ZNF454: variants seen among roughly 807,000 people sequenced by gnomAD.
ZNF454 encodes zinc finger protein 454.
Under a neutral mutation model 48.2 loss-of-function variants are expected in ZNF454, and 30 were observed. The observed-to-expected ratio is 0.62, with a 90% CI of 0.47 to 0.84. The LOEUF (loss-of-function observed/expected upper bound fraction) is 0.84, where lower values mean the gene tolerates loss of function less well. Ranked by LOEUF, ZNF454 falls within the 40% of genes least tolerant of loss-of-function variation. The pLI is 0.00. For missense variants in ZNF454, 510 were observed against 623.1 expected, an observed-to-expected ratio of 0.82 and a Z score of 1.93; for synonymous variants, 204 against 211.4, an observed-to-expected ratio of 0.97 and a Z score of 0.30.
the ZNF454 span, chr5:178,983,646 T>A: frequency 2.9e-6 from 1 of 343,750 alleles, no homozygotes; most frequent in Non-Finnish European, 5.8e-6. Context: ...TCACGTGTAC[T>A]GAGCTTCAAA....
the ZNF454 span, chr5:178,989,339 A>T: frequency 1.5e-5 from 24 of 1,613,962 alleles, no homozygotes; most frequent in Non-Finnish European, 1.9e-5. Flanking sequence ...CTCTTCCCAG[A>T]ACTCGGCGAA....
chr5:178,985,739 G>T, the ZNF454 span: 1 of 421,452 alleles, frequency 2.4e-6, no homozygotes, highest in Non-Finnish European at 4.6e-6. Flanking sequence ...AACCAAAATA[G>T]AAAAGAGTGA....
rs202137968 is a variant in ZNF454 at position 178,964,694 on chromosome 5, A to G, written c.290A>G (p.Lys97Arg). Residue 97 changes from lysine (K) to arginine (R), a missense_variant, in exon 5 of 5, where the codon AAG (lysine) becomes AGG (arginine). This residue lies in a region of ZNF454 where 354 missense variants were observed against 408.9 expected (regional missense o/e 0.87). Transcript: ENST00000519564. ...TMPASKKSTVKAEIPEEELDQ... is the reference protein window; with the variant it reads ...TMPASKKSTVRAEIPEEELDQ... ...CCTGCCAGTAAGAAATCTACTGTCA[A>G]GGCAGAGATTCCTGAAGAAGAATTG... The G allele has an allele frequency of 1.9e-6, 3 of 1,614,202 alleles. No individual in the cohort carries two copies. The African/African-American group carries it at 4.0e-5, about 22-fold the overall frequency.
intron 2 of ZNF454, among the ~76,000 whole-genome samples, chr5:178,943,811 G>C (rs1439186259): frequency 1.3e-5 from 2 of 152,282 alleles, no homozygotes; most frequent in East Asian, 3.9e-4. Flanking sequence ...GGATCACGAG[G>C]TCAGGAGATC....
the ZNF454 span, chr5:178,983,049 G>A: frequency 6.2e-7 from 1 of 1,614,082 alleles, no homozygotes; most frequent in Non-Finnish European, 8.5e-7. Context: ...GGCGTACACT[G>A]TGCACGTGAC....
rs1561690700 is a variant in ZNF454 at position 178,941,261 on chromosome 5, G to C, written c.-291G>C. 2.5e-6 allele frequency: 1 copy of C among 396,330 alleles called. No individual in the cohort carries two copies. The highest frequency in any genetic ancestry group is 5.1e-6 in the Non-Finnish European group (1 of 196,572). The allele number at this position is 396,330 out of a possible 1,614,324, so 24.6% of individuals were successfully genotyped here. On this transcript the variant is annotated 5_prime_UTR_variant, in exon 1 of 5. Coordinates refer to ENST00000519564, the MANE Select transcript of ZNF454 (RefSeq NM_001178089.3). The surrounding 1 kb of genome is among the most constrained non-coding windows in gnomAD (Gnocchi z 5.5). The stretch of plus-strand genomic sequence containing the variant: ...TGCGATGTGGCGCTTGCGATCTCTC[G>C]CCGCCGGCAGAGGCTCCTCGAAGAG...
At chr5:178,977,376 GT>G in the ZNF454 span, 1 of 455,320 alleles carries the variant, frequency 2.2e-6, no homozygotes, top group Non-Finnish European at 4.4e-6. Flanking sequence ...AGGGAGTGCT[GT>G]TTAAGAACAA....
At chr5:178,945,190 GTT>G (rs1167659379) in intron 2 of ZNF454, among the ~76,000 whole-genome samples, 1 of 150,812 alleles carries the variant, frequency 6.6e-6, no homozygotes, top group African/African-American at 2.4e-5. Context: ...TTGTATGTGA[GTT>G]TGTGTGTATG....
At chr5:178,947,047 A>G in intron 4 of ZNF454, 61 bp downstream of exon 4, 1 of 1,390,818 alleles carries the variant, frequency 7.2e-7, no homozygotes, top group Admixed American at 2.0e-5. Context: ...AAGGCTCCGT[A>G]GGGAAGGCAG....
the ZNF454 span, among the ~76,000 whole-genome samples, chr5:178,975,417 T>C: frequency 6.6e-6 from 1 of 152,236 alleles, no homozygotes; most frequent in Non-Finnish European, 1.5e-5. Context: ...AGAAGATGTT[T>C]CAAGAGTGCA....
chr5:178,964,715 A>G lies in ZNF454; in HGVS notation c.311A>G (p.Glu104Gly). 2.5e-6 allele frequency: 4 copies of G among 1,614,238 alleles called. No homozygotes were observed. The highest frequency in any genetic ancestry group is 3.4e-6 in the Non-Finnish European group (4 of 1,180,038). The change falls in exon 5 of 5, where the codon GAA becomes GGA. Residue 104 changes from glutamate (E) to glycine (G), a missense_variant. Physicochemically the swap from Glu to Gly is moderately conservative, Grantham distance 98. This residue lies in a region of ZNF454 where 354 missense variants were observed against 408.9 expected (regional missense o/e 0.87). Transcript: ENST00000519564. ...STVKAEIPEEELDQWTIKERF... is the reference protein window; with the variant it reads ...STVKAEIPEEGLDQWTIKERF... ...GTCAAGGCAGAGATTCCTGAAGAAG[A>G]ATTGGATCAATGGACAATAAAGGAA...
chr5:178,956,686 T>C lies in ZNF454; in HGVS notation c.251-7969T>C, dbSNP rs1330672703. Among the ~76,000 whole-genome samples the C allele has an allele frequency of 2.1e-5, 3 of 143,530 alleles. No individual in the cohort carries two copies. In the East Asian group the frequency reaches 6.1e-4, roughly 29 times the overall value. 94.2% of individuals were successfully genotyped at this position (143,530 alleles called of 152,430 possible). A position where few individuals can be genotyped will look rare whatever the true frequency, so the allele number is the denominator to read the frequency against. On this transcript the variant is annotated intron_variant, in intron 4 of 4. Transcript: ENST00000519564. ...TTTTATTTTATTTAATTTATTTATT[T>C]ATTTATTTATTTATTTATTTATTTA...
In ZNF454 at chr5:178,964,924, A is replaced by G. The variant is rs1437342291; in HGVS notation, c.520A>G (p.Ser174Gly). The change falls in exon 5 of 5, where the codon AGC becomes GGC. Residue 174 changes from serine to glycine, a missense_variant. Physicochemically the swap from Ser to Gly is moderately conservative, Grantham distance 56. Coordinates refer to ENST00000519564, the MANE Select transcript of ZNF454 (RefSeq NM_001178089.3). ...HSDQSQGFQP[S>G]KNAFECSECG... The stretch of plus-strand genomic sequence containing the variant: ...TGATCAAAGTCAGGGATTTCAACCT[A>G]GCAAAAATGCCTTTGAGTGTAGTGA... The G allele has an allele frequency of 1.2e-6, 2 of 1,614,156 alleles. No individual in the cohort carries two copies. The highest frequency in any genetic ancestry group is 2.2e-5 in the East Asian group (1 of 44,900).
downstream of ZNF454, among the ~76,000 whole-genome samples, chr5:178,970,976 C>A (rs764043982): frequency 6.6e-6 from 1 of 152,234 alleles, no homozygotes; most frequent in Non-Finnish European, 1.5e-5. Context: ...ATGTAAAGAG[C>A]TGTTTCCCAT....
At chr5:178,989,229 ACCCTC>A in the ZNF454 span, 8 of 926,760 alleles carry the variant, frequency 8.6e-6, no homozygotes, top group African/African-American at 3.6e-5. Context: ...CACCCTCCCC[ACCCTC>A]CCCACCCTCA....
downstream of ZNF454, chr5:178,969,759 G>A: frequency 2.4e-6 from 1 of 418,678 alleles, no homozygotes; most frequent in Non-Finnish European, 4.8e-6. Context: ...ACCCATCACA[G>A]TGCCAGCTCC....
At position 178,946,882 on chromosome 5, in the gene ZNF454, T is replaced by C. The variant is rs1463782784; in HGVS notation, c.161-15T>C. ...TAAACAGATGTGGTTCATTTTTGTC[T>C]CCCCTTAAAAACAGGACTCTTAGGA... On this transcript the variant is annotated splice_polypyrimidine_tract_variant and intron_variant, in intron 3 of 4. Transcript: ENST00000519564. This position sits in a 1 kb window ranked among gnomAD's most constrained non-coding sequence, Gnocchi z 4.5. 2.5e-6 allele frequency: 4 copies of C among 1,609,252 alleles called. No individual in the cohort carries two copies. Among genetic ancestry groups the C allele is most frequent in the African/African-American group, 1.3e-5 (1 of 74,674 alleles).
intron 4 of ZNF454, among the ~76,000 whole-genome samples, chr5:178,959,613 CT>C (rs977392914): frequency 2.0e-5 from 3 of 149,032 alleles, no homozygotes; most frequent in Non-Finnish European, 1.5e-5. Context: ...AGATCATTTC[CT>C]TTTTTTTTTG....
At chr5:178,963,003 A>G (rs1014188495) in intron 4 of ZNF454, among the ~76,000 whole-genome samples, 2 of 151,756 alleles carry the variant, frequency 1.3e-5, no homozygotes, top group African/African-American at 4.8e-5. Flanking sequence ...TCTCCTTGGA[A>G]GGTCCTGGTT....
Sources: gnomAD v4.1 joint callset for allele counts (sites outside exome capture counted in the v4.1 genomes callset) on GRCh38, gnomAD v4.1.1 for gene constraint, gnomAD v4.1.1 regional missense constraint, Gnocchi (gnomAD v3.1) non-coding constraint, MANE v1.5 for transcripts, NCBI Gene and HGNC (gene_info 2026-07-23, HGNC 2026-07-21) for gene names.